The following CNST variants were observed in gnomAD, a reference collection of about 807,000 sequenced individuals.
CNST encodes the protein consortin, connexin sorting protein, also known as consortin.
CNST carries 39 observed loss-of-function variants against 72.4 expected under a neutral mutation model. That is an observed-to-expected ratio of 0.54 (90% CI 0.42 to 0.70). CNST has a LOEUF of 0.70. CNST is among the 30% of genes least tolerant of loss of function. The pLI, the probability that CNST is intolerant of heterozygous loss-of-function variation, is 0.00. For synonymous variants in CNST, 332 were observed against 320.1 expected (o/e 1.04, Z -0.40); for missense variants, 871 against 868.5 (o/e 1.00, Z -0.04).
rs924079269 is a variant in CNST, at chr1:246,662,637, T to C, written c.1972+2303T>C. The stretch of plus-strand genomic sequence containing the variant: ...AACTCCTGACCTCAGGTGATCTGCC[T>C]GCCTCGGCCTCCCAAAGTGCTGGGA... On this transcript the variant is annotated intron_variant, in intron 10 of 10. Transcript: ENST00000366513. Among the ~76,000 whole-genome samples, 4 of 152,152 alleles carry C rather than the reference T, an allele frequency of 2.6e-5. No homozygotes were observed. The South Asian group carries it at 8.3e-4, about 32-fold the overall frequency.
chr1:246,600,074 A>C (rs982596172), intron 2 of CNST, among the ~76,000 whole-genome samples: 20 of 152,228 alleles, frequency 1.3e-4, no homozygotes, highest in African/African-American at 4.8e-4. Context: ...AGTTAGGACA[A>C]ATAGGTGCTA....
At chr1:246,652,816 A>G (rs6686177) in intron 9 of CNST, among the ~76,000 whole-genome samples, 80,755 of 130,658 alleles carry the variant, frequency 0.62, 21,894 homozygotes, top group East Asian at 0.85. Flanking sequence ...CATCCTGGCT[A>G]ACACGGTGAA....
chr1:246,576,654 C>T (rs1336931456), intron 1 of CNST, among the ~76,000 whole-genome samples: 4 of 151,416 alleles, frequency 2.6e-5, no homozygotes, highest in Non-Finnish European at 4.4e-5. Context: ...TTACCACGCG[C>T]GGCACATTTT....
In CNST at chr1:246,666,400, A is replaced by G. The variant is rs1667391633; in HGVS notation, c.*495A>G. The G allele has an allele frequency of 6.5e-6, 1 of 153,366 alleles. No individual in the cohort carries two copies. Among genetic ancestry groups the G allele is most frequent in the Non-Finnish European group, 1.5e-5 (1 of 68,590 alleles). 9.5% of individuals were successfully genotyped at this position (153,366 alleles called of 1,614,324 possible). ...CTGTGTAATTTAGGCTTTGCGTATTATTTCACTTCTGTTCTCCACTTATGA... is the reference window on the plus strand; with the variant it reads ...CTGTGTAATTTAGGCTTTGCGTATTGTTTCACTTCTGTTCTCCACTTATGA... On this transcript the variant is annotated 3_prime_UTR_variant, in exon 11 of 11. Transcript: ENST00000366513.
Position 246,660,334 on chromosome 1 carries a change from G to A in CNST, c.1972G>A (p.Asp658Asn). The A allele has an allele frequency of 6.2e-7, 1 of 1,612,588 alleles. No homozygotes were observed. The highest frequency in any genetic ancestry group is 1.1e-5 in the South Asian group (1 of 90,640). Residue 658 changes from aspartate to asparagine, a missense_variant and splice_region_variant, in exon 10 of 11, where the codon GAT (aspartate) becomes AAT (asparagine). Physicochemically the swap from Asp to Asn is conservative, Grantham distance 23. Transcript: ENST00000366513. ...FQEIDDSLDQ[D>N]EVGGGSCILL... ...AGAAATAGACGATAGCTTGGATCAA[G>A]GTAAACCGCTTGGCACTGTGGCTAG...
intron 9 of CNST, among the ~76,000 whole-genome samples, chr1:246,654,643 G>A (rs950383777): frequency 6.6e-6 from 1 of 152,196 alleles, no homozygotes; most frequent in African/African-American, 2.4e-5. Context: ...TCTCTGCAAA[G>A]CTAATACAGG....
At chr1:246,658,797 G>A (rs946850305) in intron 9 of CNST, among the ~76,000 whole-genome samples, 1 of 152,194 alleles carries the variant, frequency 6.6e-6, no homozygotes, top group Non-Finnish European at 1.5e-5. Context: ...GTGCCTGCCT[G>A]TGTCATCACC....
intron 3 of CNST, 124 bp from the exon 4 acceptor site, chr1:246,631,770 A>T: frequency 1.4e-6 from 1 of 732,146 alleles, no homozygotes; most frequent in Non-Finnish European, 2.4e-6. Flanking sequence ...TGTAGTTTAA[A>T]AAAAGAGTTT....
intron 8 of CNST, among the ~76,000 whole-genome samples, chr1:246,643,794 G>A (rs1207506249): frequency 1.3e-5 from 2 of 152,156 alleles, no homozygotes; most frequent in Non-Finnish European, 2.9e-5. Flanking sequence ...TCAATAATGT[G>A]GGTGACTCTC....
intron 10 of CNST, 111 bp downstream of exon 10, chr1:246,660,445 G>A (rs567425477): frequency 8.2e-6 from 10 of 1,216,110 alleles, no homozygotes; most frequent in Middle Eastern, 2.0e-4. Flanking sequence ...GACTATGTCC[G>A]CCAGGCACGG....
Position 246,621,424 on chromosome 1 carries a change from T to C in CNST, c.380-5T>C. Reference sequence around the variant, plus strand: ...TAACATAGGCATTTTCTTTACTTCTTAAAGGACTTTTTTCAGGAGATATTG... The same window carrying C: ...TAACATAGGCATTTTCTTTACTTCTCAAAGGACTTTTTTCAGGAGATATTG... On this transcript the variant is annotated splice_region_variant and splice_polypyrimidine_tract_variant and intron_variant, in intron 2 of 10. Coordinates refer to ENST00000366513, the MANE Select transcript of CNST (RefSeq NM_152609.3). 1 of 1,608,466 alleles carries C rather than the reference T, an allele frequency of 6.2e-7. No homozygotes were observed. The highest frequency in any genetic ancestry group is 8.5e-7 in the Non-Finnish European group (1 of 1,175,970).
intron 1 of CNST, among the ~76,000 whole-genome samples, chr1:246,577,307 C>T (rs1349516855): frequency 6.6e-6 from 1 of 152,022 alleles, no homozygotes; most frequent in Non-Finnish European, 1.5e-5. Context: ...CCCACCACAG[C>T]GTCACTCCCT....
chr1:246,662,644 GC>G (rs1439317593), intron 10 of CNST, among the ~76,000 whole-genome samples: 1 of 152,166 alleles, frequency 6.6e-6, no homozygotes. Flanking sequence ...GCCTGCCTCG[GC>G]CTCCCAAAGT....
chr1:246,623,926 G>A (rs112380935), intron 3 of CNST, among the ~76,000 whole-genome samples: 9,742 of 149,724 alleles, frequency 0.065, 998 homozygotes, highest in African/African-American at 0.22. Context: ...AGCCAGGCAC[G>A]GTGGCGTGCG....
intron 2 of CNST, among the ~76,000 whole-genome samples, chr1:246,619,154 G>GAAAA (rs397983629): frequency 4.8e-5 from 7 of 145,322 alleles, no homozygotes; most frequent in African/African-American, 1.8e-4. Context: ...AGAGAAAAGG[G>GAAAA]AAAAAAAAAA....
rs370985323 is a variant in CNST at position 246,647,595 on chromosome 1, G to A, written c.1394G>A (p.Arg465Gln). The A allele has an allele frequency of 5.6e-6, 9 of 1,614,054 alleles. No individual in the cohort carries two copies. The South Asian group carries it at 7.7e-5, about 14-fold the overall frequency. Residue 465 changes from arginine (R) to glutamine (Q), a missense_variant, in exon 9 of 11, where the codon CGG (arginine) becomes CAG (glutamine). Transcript: ENST00000366513. The stretch of plus-strand genomic sequence containing the variant: ...AGGAAAGAACTCCGTTTGCCACTTC[G>A]GGATGCTTCTGAGGCGTTGCCCACA... The part of the protein sequence containing the change: ...AQRKELRLPL[R>Q]DASEALPTDQ...
Position 246,577,605 on chromosome 1 carries a change from C to T in CNST, c.-52+10942C>T, listed in dbSNP as rs141128524. On this transcript the variant is annotated intron_variant, in intron 1 of 10. Transcript: ENST00000366513. ...AACCAGTTTTATCCCATTTAGTTCA[C>T]AGATTTTCATTTTGCCTTTTTAATG... Among the ~76,000 whole-genome samples the T allele has an allele frequency of 4.1e-3, 623 of 152,144 alleles. 11 individuals are homozygous for T. The highest frequency in any genetic ancestry group is 0.014 in the African/African-American group (598 of 41,416).
chr1:246,581,455 G>T (rs12047164), intron 1 of CNST, among the ~76,000 whole-genome samples: 14,065 of 152,124 alleles, frequency 0.092, 742 homozygotes, highest in East Asian at 0.16. Context: ...TAGAGACAGG[G>T]TTTCTCCATG....
intron 10 of CNST, among the ~76,000 whole-genome samples, chr1:246,663,349 A>G (rs1005249197): frequency 3.1e-4 from 47 of 152,010 alleles, no homozygotes; most frequent in East Asian, 1.5e-3. Context: ...AAAAAAAAAA[A>G]AAAGAAAGAC....
Sources: allele counts gnomAD v4.1 joint callset (sites outside exome capture counted in the v4.1 genomes callset), GRCh38; gene constraint gnomAD v4.1.1; transcripts MANE v1.5; gene names NCBI Gene and HGNC (gene_info 2026-07-23, HGNC 2026-07-21).